The following AGBL4 variants were observed in gnomAD, a reference collection of about 807,000 sequenced individuals.
AGBL4 encodes the protein cytosolic carboxypeptidase 6.
AGBL4 carries 58 observed loss-of-function variants against 66.4 expected under a neutral mutation model. That is an observed-to-expected ratio of 0.87 (90% CI 0.71 to 1.09). The LOEUF is 1.09. Among genes scored for constraint, AGBL4 ranks in the 50% least tolerant of loss-of-function variants. The pLI, the probability that AGBL4 is intolerant of heterozygous loss-of-function variation, is 0.00. For missense variants in AGBL4, 579 were observed against 631.0 expected, an observed-to-expected ratio of 0.92 and a Z score of 0.88; for synonymous variants, 234 against 222.9, an observed-to-expected ratio of 1.05 and a Z score of -0.44.
At chr1:48,579,444 T>C (rs896472028) in intron 11 of AGBL4, among the ~76,000 whole-genome samples, 1 of 151,340 alleles carries the variant, frequency 6.6e-6, no homozygotes, top group African/African-American at 2.4e-5. Flanking sequence ...TTTCACCATG[T>C]TGGTCAGGCT....
intron 6 of AGBL4, among the ~76,000 whole-genome samples, chr1:48,722,681 C>A (rs984829042): frequency 6.6e-6 from 1 of 152,102 alleles, no homozygotes. Flanking sequence ...TTTCCCTCAC[C>A]ACATACTGTC....
At chr1:48,778,863 T>C (rs1294606728) in intron 6 of AGBL4, among the ~76,000 whole-genome samples, 1 of 152,180 alleles carries the variant, frequency 6.6e-6, no homozygotes, top group Non-Finnish European at 1.5e-5. Flanking sequence ...TCCAAATGTG[T>C]AGGTCAGTAC....
At chr1:49,792,902 C>A (rs1571577951) in intron 2 of AGBL4, among the ~76,000 whole-genome samples, 1 of 152,080 alleles carries the variant, frequency 6.6e-6, no homozygotes, top group East Asian at 1.9e-4. Flanking sequence ...GTGGGTAAAT[C>A]TTTCTAGACT....
intron 3 of AGBL4, among the ~76,000 whole-genome samples, chr1:49,319,991 C>T (rs1645103540): frequency 6.6e-6 from 1 of 151,984 alleles, no homozygotes; most frequent in Non-Finnish European, 1.5e-5. Flanking sequence ...TACAGTGGTA[C>T]CATTACAGAC....
intron 1 of AGBL4, among the ~76,000 whole-genome samples, chr1:49,924,434 TAA>T (rs1426694495): frequency 6.6e-6 from 1 of 152,056 alleles, no homozygotes; most frequent in Non-Finnish European, 1.5e-5. Context: ...CCCCTGAACT[TAA>T]AAGTTTAAAA....
chr1:49,644,478 C>G (rs1014478378), intron 3 of AGBL4, among the ~76,000 whole-genome samples: 2 of 151,484 alleles, frequency 1.3e-5, no homozygotes, highest in African/African-American at 4.8e-5. Flanking sequence ...CATTCTAACA[C>G]TTACTAAAAG....
At chr1:48,543,723 A>G (rs1644114414) in intron 11 of AGBL4, among the ~76,000 whole-genome samples, 1 of 152,200 alleles carries the variant, frequency 6.6e-6, no homozygotes, top group Non-Finnish European at 1.5e-5. Context: ...TACCTTCTTC[A>G]AGAAGTCCCC....
intron 3 of AGBL4, among the ~76,000 whole-genome samples, chr1:49,296,308 G>A (rs759609440): frequency 6.6e-6 from 1 of 152,112 alleles, no homozygotes; most frequent in Non-Finnish European, 1.5e-5. Flanking sequence ...GGTGGAACTA[G>A]GATTCAACCT....
intron 4 of AGBL4, among the ~76,000 whole-genome samples, chr1:49,149,638 C>G (rs1646288342): frequency 6.6e-6 from 1 of 152,188 alleles, no homozygotes; most frequent in Non-Finnish European, 1.5e-5. Context: ...TTTCTGTATA[C>G]TTAAGATGAG....
chr1:49,553,139 A>G (rs1407855712), intron 3 of AGBL4, among the ~76,000 whole-genome samples: 11 of 152,258 alleles, frequency 7.2e-5, no homozygotes, highest in Admixed American at 7.2e-4. Context: ...TACATTTCGC[A>G]TTTTAATTAG....
intron 3 of AGBL4, among the ~76,000 whole-genome samples, chr1:49,640,986 C>T (rs1319841543): frequency 6.6e-6 from 1 of 152,076 alleles, no homozygotes; most frequent in African/African-American, 2.4e-5. Context: ...TGCTCACTAC[C>T]TGGGTGATGA....
intron 2 of AGBL4, chr1:49,845,047 C>G (rs1646100862): frequency 1.2e-5 from 18 of 1,448,930 alleles, no homozygotes; most frequent in Non-Finnish European, 1.7e-5. Flanking sequence ...AAATGCTCTA[C>G]AGAAAACCTA....
At chr1:49,460,491 G>C (rs1387149703) in intron 3 of AGBL4, among the ~76,000 whole-genome samples, 1 of 151,552 alleles carries the variant, frequency 6.6e-6, no homozygotes, top group Non-Finnish European at 1.5e-5. Context: ...TCATGTGTTA[G>C]GTGAGTCTCG....
intron 2 of AGBL4, among the ~76,000 whole-genome samples, chr1:49,829,970 G>A (rs1645615533): frequency 6.6e-6 from 1 of 152,194 alleles, no homozygotes; most frequent in Admixed American, 6.5e-5. Flanking sequence ...TGTCTGCATA[G>A]TATTCCATGG....
At chr1:49,470,748 C>T (rs568821064) in intron 3 of AGBL4, among the ~76,000 whole-genome samples, 1 of 152,150 alleles carries the variant, frequency 6.6e-6, no homozygotes, top group Non-Finnish European at 1.5e-5. Flanking sequence ...GCATAATCTG[C>T]CCCTTAATTT....
chr1:49,645,116 C>T (rs529271466), intron 3 of AGBL4, among the ~76,000 whole-genome samples: 49 of 151,474 alleles, frequency 3.2e-4, no homozygotes, highest in Non-Finnish European at 5.8e-4. Context: ...TTATTAAAAA[C>T]GTGTAGCACT....
chr1:49,966,003 G>A (rs1268808434), intron 1 of AGBL4, among the ~76,000 whole-genome samples: 4 of 149,274 alleles, frequency 2.7e-5, no homozygotes, highest in East Asian at 4.0e-4. Context: ...GTGCAGTGGC[G>A]CGATCTTGGC....
At chr1:49,455,173 A>T (rs1326495640) in intron 3 of AGBL4, among the ~76,000 whole-genome samples, 2 of 151,444 alleles carry the variant, frequency 1.3e-5, no homozygotes, top group African/African-American at 4.9e-5. Flanking sequence ...GTATGTATGA[A>T]AAGTATGTAT....
intron 1 of AGBL4, among the ~76,000 whole-genome samples, chr1:49,933,142 T>G (rs569222934): frequency 6.6e-6 from 1 of 152,116 alleles, no homozygotes; most frequent in African/African-American, 2.4e-5. Flanking sequence ...TTTTCAAAAT[T>G]TAAAGGCAGA....
Sources: gnomAD v4.1 joint callset for allele counts (sites outside exome capture counted in the v4.1 genomes callset) on GRCh38, gnomAD v4.1.1 for gene constraint, MANE v1.5 for transcripts, NCBI Gene and HGNC (gene_info 2026-07-23, HGNC 2026-07-21) for gene names.